SNX18: variants seen among roughly 807,000 people sequenced by gnomAD.
SNX18 encodes the protein sorting nexin 18, also known as sorting nexin-18.
SNX18 carries 35 observed loss-of-function variants against 48.7 expected under a neutral mutation model. The observed-to-expected ratio is 0.72, with a 90% CI of 0.55 to 0.95. The LOEUF is 0.95. Ranked by LOEUF, SNX18 falls within the 40% of genes least tolerant of loss-of-function variation. SNX18 has a pLI of 0.00. For synonymous variants in SNX18, 492 were observed against 384.7 expected, an observed-to-expected ratio of 1.28 and a Z score of -3.26; for missense variants, 824 against 871.0, an observed-to-expected ratio of 0.95 and a Z score of 0.68.
In SNX18 at chr5:54,519,366, C is replaced by T. The variant is rs1311904479; in HGVS notation, c.1414C>T (p.Arg472Cys). The T allele has an allele frequency of 1.2e-6, 2 of 1,613,104 alleles. No individual in the cohort carries two copies. Among genetic ancestry groups the T allele is most frequent in the South Asian group, 2.2e-5 (2 of 91,058 alleles). The part of the protein sequence containing the change: ...KEYQKVGQSF[R>C]GLSQAFELDQ... ...GTATCAGAAGGTGGGCCAGTCCTTC[C>T]GCGGCCTCAGCCAGGCCTTTGAGCT... Residue 472 changes from arginine (R) to cysteine (C), a missense_variant, in exon 1 of 2, where the codon CGC becomes TGC. Arg to Cys is a radical substitution (Grantham distance 180). Around this residue, in one of 3 missense-constraint regions of SNX18, gnomAD observed 443 missense variants for 503.6 expected, o/e 0.88. Transcript: ENST00000381410.
chr5:54,574,185 T>C, the SNX18 span, among the ~76,000 whole-genome samples: 10 of 152,226 alleles, frequency 6.6e-5, no homozygotes, highest in African/African-American at 2.2e-4. Context: ...TGATGGTGAA[T>C]GCTGGCTGTC....
chr5:54,525,542 T>A (rs1160000438), intron 1 of SNX18, among the ~76,000 whole-genome samples: 1 of 152,232 alleles, frequency 6.6e-6, no homozygotes, highest in African/African-American at 2.4e-5. Flanking sequence ...GTTCGCCCTG[T>A]ATTGCACACC....
chr5:54,518,667 G>C lies in SNX18; in HGVS notation c.715G>C (p.Gly239Arg). ...TCGCTTCTCCACCTTCGTCAAGTCCGGCGGGGAGGCCTTCGTGCTGGGGGA... is the reference window on the plus strand; with the variant it reads ...TCGCTTCTCCACCTTCGTCAAGTCCCGCGGGGAGGCCTTCGTGCTGGGGGA... ...LNRFSTFVKSGGEAFVLGEAS... is the reference protein window; with the variant it reads ...LNRFSTFVKSRGEAFVLGEAS... The change falls in exon 1 of 2, where the codon GGC becomes CGC. Residue 239 changes from glycine to arginine, a missense_variant. Around this residue, in one of 3 missense-constraint regions of SNX18, gnomAD observed 4 missense variants for 16.8 expected, o/e 0.24. Coordinates refer to ENST00000381410, the MANE Select transcript of SNX18 (RefSeq NM_001102575.2). 1.3e-6 allele frequency: 2 copies of C among 1,561,122 alleles called. No homozygotes were observed. The highest frequency in any genetic ancestry group is 4.5e-5 in the East Asian group (2 of 44,400).
In SNX18 at chr5:54,526,086, T is replaced by C. The variant is rs114380046; in HGVS notation, c.1621+6513T>C. Among the ~76,000 whole-genome samples, 509 of 152,260 alleles carry C rather than the reference T, an allele frequency of 3.3e-3. 4 individuals are homozygous for C. Among genetic ancestry groups the C allele is most frequent in the African/African-American group, 0.012 (494 of 41,550 alleles). ...GCGACTTCTCTCTGACCCAAATTAA[T>C]AGGACTACCAAAGAGATAAATTATG... On this transcript the variant is annotated intron_variant, in intron 1 of 1. Transcript: ENST00000381410.
Position 54,518,208 on chromosome 5 carries a change from T to C in SNX18, c.256T>C (p.Phe86Leu). The change falls in exon 1 of 2, where the codon TTC becomes CTC. Residue 86 changes from phenylalanine (F) to leucine (L), a missense_variant. Coordinates refer to ENST00000381410, the MANE Select transcript of SNX18 (RefSeq NM_001102575.2). ...CTACGCCAATGTGCCCCCCGGGGGC[T>C]TCGAGCCCCTGCCTGTCGCGCCCCC... The part of the protein sequence containing the change: ...ARYANVPPGG[F>L]EPLPVAPPAS... 1 of 1,399,208 alleles carries C rather than the reference T, an allele frequency of 7.1e-7. No individual in the cohort carries two copies. Among genetic ancestry groups the C allele is most frequent in the Non-Finnish European group, 9.2e-7 (1 of 1,086,378 alleles). The allele number at this position is 1,399,208 out of a possible 1,614,324, so 86.7% of individuals were successfully genotyped here.
chr5:54,557,648 T>TA, the SNX18 span, among the ~76,000 whole-genome samples: 3 of 152,190 alleles, frequency 2.0e-5, no homozygotes, highest in Non-Finnish European at 4.4e-5. Context: ...GTTAAAATGT[T>TA]ACAGATTTTC....
chr5:54,640,730 A>G, the SNX18 span, among the ~76,000 whole-genome samples: 2 of 152,276 alleles, frequency 1.3e-5, no homozygotes, highest in South Asian at 2.1e-4. Flanking sequence ...TGGGGTAATC[A>G]AGACTTGGGA....
chr5:54,518,936 G>T lies in SNX18; in HGVS notation c.984G>T (p.Pro328=). ...WLYARLAEKF[P]VISVPHLPEK... ...ACGCGCGCCTGGCGGAGAAGTTCCC[G>T]GTCATCTCCGTGCCCCACCTGCCCG... The change falls in exon 1 of 2, where the codon CCG becomes CCT. Residue 328 remains proline (P), a synonymous_variant. Transcript: ENST00000381410. The T allele has an allele frequency of 1.2e-6, 2 of 1,613,830 alleles. No individual in the cohort carries two copies. The highest frequency in any genetic ancestry group is 1.7e-6 in the Non-Finnish European group (2 of 1,180,042).
At chr5:54,568,516 GC>G in the SNX18 span, among the ~76,000 whole-genome samples, 1 of 150,824 alleles carries the variant, frequency 6.6e-6, no homozygotes, top group South Asian at 2.1e-4. Context: ...TCCCCAGACT[GC>G]TGCAAAACCA....
chr5:54,637,785 G>A, the SNX18 span, among the ~76,000 whole-genome samples: 14 of 152,184 alleles, frequency 9.2e-5, no homozygotes, highest in East Asian at 7.7e-4. Flanking sequence ...GGATGGTGCC[G>A]GGCCCTCTGG....
At chr5:54,629,731 G>A in the SNX18 span, among the ~76,000 whole-genome samples, 1 of 152,208 alleles carries the variant, frequency 6.6e-6, no homozygotes, top group Non-Finnish European at 1.5e-5. Context: ...TTTGTACAAA[G>A]TTGTTATCTG....
chr5:54,578,446 C>CT, the SNX18 span, among the ~76,000 whole-genome samples: 1 of 152,190 alleles, frequency 6.6e-6, no homozygotes, highest in Non-Finnish European at 1.5e-5. Context: ...GCCCTGCGGC[C>CT]TTAGTGGCTC....
chr5:54,610,698 C>T, the SNX18 span, among the ~76,000 whole-genome samples: 2 of 152,220 alleles, frequency 1.3e-5, no homozygotes, highest in African/African-American at 4.8e-5. Flanking sequence ...AGCTCTTCCT[C>T]TGCCAGCAGA....
the SNX18 span, among the ~76,000 whole-genome samples, chr5:54,556,752 A>G: frequency 6.6e-6 from 1 of 152,156 alleles, no homozygotes. Context: ...CTAGAAATGA[A>G]CTTGCAGGAT....
At chr5:54,576,761 G>C in the SNX18 span, among the ~76,000 whole-genome samples, 2 of 148,434 alleles carry the variant, frequency 1.3e-5, no homozygotes, top group South Asian at 4.4e-4. Flanking sequence ...TTGGCATAAA[G>C]CAAGTAGCTG....
chr5:54,614,808 A>C, the SNX18 span, among the ~76,000 whole-genome samples: 1 of 152,180 alleles, frequency 6.6e-6, no homozygotes, highest in African/African-American at 2.4e-5. Context: ...ATCTTTTAAA[A>C]ATATTTAAAA....
the SNX18 span, among the ~76,000 whole-genome samples, chr5:54,634,616 G>C: frequency 6.6e-6 from 1 of 151,586 alleles, no homozygotes; most frequent in African/African-American, 2.4e-5. Flanking sequence ...ATGTGGCTCA[G>C]AAAACTCAAA....
intron 1 of SNX18, among the ~76,000 whole-genome samples, chr5:54,542,325 C>A (rs918506212): frequency 6.6e-6 from 1 of 152,152 alleles, no homozygotes; most frequent in African/African-American, 2.4e-5. Flanking sequence ...GTTGATACTT[C>A]TAGGCATGAG....
At chr5:54,572,668 T>C in the SNX18 span, among the ~76,000 whole-genome samples, 1 of 150,162 alleles carries the variant, frequency 6.7e-6, no homozygotes, top group Admixed American at 6.7e-5. Flanking sequence ...ATGCTTATGT[T>C]AATTTATTAA....
Sources: allele counts gnomAD v4.1 joint callset (sites outside exome capture counted in the v4.1 genomes callset), GRCh38; gene constraint gnomAD v4.1.1; regional missense constraint gnomAD v4.1.1; transcripts MANE v1.5; gene names NCBI Gene and HGNC (gene_info 2026-07-23, HGNC 2026-07-21).